GXYLT1: variants seen among roughly 807,000 people sequenced by gnomAD.
GXYLT1 encodes glucoside xylosyltransferase 1.
A neutral mutation model predicts 54.0 loss-of-function variants in GXYLT1; 29 were observed. The observed-to-expected ratio is 0.54, with a 90% CI of 0.40 to 0.73. The LOEUF (loss-of-function observed/expected upper bound fraction) is 0.73, where lower values mean the gene tolerates loss of function less well. GXYLT1 is among the 30% of genes least tolerant of loss of function. The pLI is 0.00. For missense variants in GXYLT1, 490 were observed against 553.4 expected, an observed-to-expected ratio of 0.89 and a Z score of 1.15; for synonymous variants, 176 against 204.1, an observed-to-expected ratio of 0.86 and a Z score of 1.17.
At position 42,106,050 on chromosome 12, in the gene GXYLT1, T is replaced by A; in HGVS notation, c.632A>T (p.Asp211Val). 6.2e-7 allele frequency: 1 copy of A among 1,604,730 alleles called. No homozygotes were observed. The highest frequency in any genetic ancestry group is 2.2e-5 in the East Asian group (1 of 44,790). Residue 211 changes from aspartate (D) to valine (V), a missense_variant, in exon 5 of 8, where the codon GAC becomes GTC. Coordinates refer to ENST00000398675, the MANE Select transcript of GXYLT1 (RefSeq NM_173601.2). ...LFLPLILKEVDSLLYVDTDIL... is the reference protein window; with the variant it reads ...LFLPLILKEVVSLLYVDTDIL... The stretch of plus-strand genomic sequence containing the variant: ...ATCAGTGTCGACATACAATAGTGAG[T>A]CAACTTCTTTCAGGATTAACTACAA...
At chr12:42,119,232 T>C (rs2065516165) in intron 2 of GXYLT1, 61 bp from the exon 3 acceptor site, 13 of 1,334,182 alleles carry the variant, frequency 9.7e-6, no homozygotes, top group Non-Finnish European at 1.4e-5. Context: ...ATGTGTACTT[T>C]CATCATGCTC....
intron 2 of GXYLT1, among the ~76,000 whole-genome samples, chr12:42,128,594 CAG>C (rs1358801420): frequency 6.6e-6 from 1 of 152,200 alleles, no homozygotes; most frequent in African/African-American, 2.4e-5. Flanking sequence ...AAACTCCCAT[CAG>C]AACGTAAGCT....
Position 42,130,924 on chromosome 12 carries a change from C to T in GXYLT1, c.222-1073G>A, listed in dbSNP as rs759945050. ...ACTGTGCTACTGCACCCCAGCCTGG[C>T]TGAACACAGCAAAAGAGACTCTGTC... On this transcript the variant is annotated intron_variant, in intron 1 of 7. Transcript: ENST00000398675. Among the ~76,000 whole-genome samples, 6 of 152,056 alleles carry T rather than the reference C, an allele frequency of 3.9e-5. 1 individual carries two copies. Among genetic ancestry groups the T allele is most frequent in the Non-Finnish European group, 8.8e-5 (6 of 68,012 alleles).
intron 3 of GXYLT1, among the ~76,000 whole-genome samples, chr12:42,114,411 G>A (rs2065479552): frequency 1.3e-5 from 2 of 150,826 alleles, no homozygotes; most frequent in African/African-American, 4.9e-5. Context: ...AAAGAGAGAA[G>A]AATCAAATAC....
chr12:42,083,414 T>C lies in GXYLT1; in HGVS notation c.*4372A>G, dbSNP rs532771342. 7 of 34,320 alleles carry C rather than the reference T, an allele frequency of 2.0e-4. No homozygotes were observed. The highest frequency in any genetic ancestry group is 0.013 in the Middle Eastern group (1 of 76). The allele number at this position is 34,320 out of a possible 1,614,324, so 2.1% of individuals were successfully genotyped here. A position where few individuals can be genotyped will look rare whatever the true frequency, so the allele number is the denominator to read the frequency against. ...TTAAAATGCAATAAGGCAATTATTG[T>C]TTTTAAGACACTTGAAATTGCATTT... is the stretch of plus-strand genomic sequence containing the variant. On this transcript the variant is annotated 3_prime_UTR_variant, in exon 8 of 8. Transcript: ENST00000398675.
At chr12:42,128,324 C>T (rs956131374) in intron 2 of GXYLT1, among the ~76,000 whole-genome samples, 1 of 152,132 alleles carries the variant, frequency 6.6e-6, no homozygotes, top group Admixed American at 6.5e-5. Flanking sequence ...AATCAGTCCA[C>T]AATATATACA....
At chr12:42,114,312 A>C (rs1030757230) in intron 3 of GXYLT1, among the ~76,000 whole-genome samples, 32 of 152,350 alleles carry the variant, frequency 2.1e-4, no homozygotes, top group African/African-American at 6.0e-4. Flanking sequence ...AGACACAAAA[A>C]ACACGTCAAA....
intron 3 of GXYLT1, among the ~76,000 whole-genome samples, chr12:42,114,502 C>T (rs1389161542): frequency 6.6e-6 from 1 of 152,242 alleles, no homozygotes; most frequent in East Asian, 1.9e-4. Flanking sequence ...CTATAAAGAC[C>T]TCTACGCAAA....
chr12:42,142,139 T>C (rs1371192659), intron 1 of GXYLT1, among the ~76,000 whole-genome samples: 1 of 152,178 alleles, frequency 6.6e-6, no homozygotes, highest in African/African-American at 2.4e-5. Context: ...GCTTGCCCCA[T>C]AGCCCCATTG....
At chr12:42,102,799 T>C (rs946278543) in intron 5 of GXYLT1, among the ~76,000 whole-genome samples, 4 of 152,114 alleles carry the variant, frequency 2.6e-5, no homozygotes, top group African/African-American at 9.7e-5. Context: ...TACTGCAAAA[T>C]AGAACGTAAT....
At chr12:42,144,002 TCA>T (rs146444482) in intron 1 of GXYLT1, among the ~76,000 whole-genome samples, 9 of 150,540 alleles carry the variant, frequency 6.0e-5, no homozygotes, top group Non-Finnish European at 1.0e-4. Flanking sequence ...ACATATACAC[TCA>T]CACACACACA....
At position 42,085,217 on chromosome 12, in the gene GXYLT1, T is replaced by C. The variant is rs1375921061; in HGVS notation, c.*2569A>G. The C allele has an allele frequency of 1.3e-5, 2 of 152,186 alleles. No homozygotes were observed. Among genetic ancestry groups the C allele is most frequent in the East Asian group, 1.9e-4 (1 of 5,200 alleles). 9.4% of individuals were successfully genotyped at this position (152,186 alleles called of 1,614,324 possible). ...AGTACCCAAAAGACAGTTTTCACTA[T>C]AATTCAATTTATGGTAAAATGATCA... is the stretch of plus-strand genomic sequence containing the variant. On this transcript the variant is annotated 3_prime_UTR_variant, in exon 8 of 8. Transcript: ENST00000398675.
At chr12:42,112,551 G>A (rs750298730) in intron 3 of GXYLT1, among the ~76,000 whole-genome samples, 14 of 152,122 alleles carry the variant, frequency 9.2e-5, no homozygotes, top group Admixed American at 1.3e-4. Context: ...AGTGATGGAA[G>A]ACGAAACGAA....
chr12:42,126,070 G>C (rs2065559639), intron 2 of GXYLT1, among the ~76,000 whole-genome samples: 2 of 144,534 alleles, frequency 1.4e-5, no homozygotes, highest in South Asian at 2.2e-4. Flanking sequence ...AAACCAGTAG[G>C]AACTTTTTTT....
At chr12:42,099,141 C>G (rs1184646312) in intron 5 of GXYLT1, among the ~76,000 whole-genome samples, 1 of 152,138 alleles carries the variant, frequency 6.6e-6, no homozygotes, top group African/African-American at 2.4e-5. Context: ...GAAGAGCTGA[C>G]AGATTCACCC....
At chr12:42,104,832 C>A (rs192414923) in intron 5 of GXYLT1, among the ~76,000 whole-genome samples, 1 of 152,026 alleles carries the variant, frequency 6.6e-6, no homozygotes, top group Non-Finnish European at 1.5e-5. Context: ...ACATGATATC[C>A]CTTAATGTTT....
intron 3 of GXYLT1, among the ~76,000 whole-genome samples, chr12:42,117,780 T>G (rs2065506001): frequency 6.6e-6 from 1 of 152,186 alleles, no homozygotes; most frequent in African/African-American, 2.4e-5. Flanking sequence ...TATTTTGTTG[T>G]TGTTGTTGTT....
In GXYLT1 at chr12:42,144,610, CCA is replaced by C; in HGVS notation, c.35_36del (p.Val12GlyfsTer64). 1 of 1,448,890 alleles carries C rather than the reference CCA, an allele frequency of 6.9e-7. No individual in the cohort carries two copies. Among genetic ancestry groups the C allele is most frequent in the East Asian group, 2.9e-5 (1 of 34,820 alleles). 89.8% of individuals were successfully genotyped at this position (1,448,890 alleles called of 1,614,324 possible). On this transcript the variant is annotated frameshift_variant, in exon 1 of 8. Coordinates refer to ENST00000398675, the MANE Select transcript of GXYLT1 (RefSeq NM_173601.2). LOFTEE classifies it high-confidence loss of function. ...RRYLRVVVLC[V>X]ACGFCSLLYA... ...TAAAGGAGCGAGCAGAAGCCGCAGG[CCA>C]CACACAGCACCACGACGCGCAGGTA...
chr12:42,123,564 TA>T (rs1261212781), intron 2 of GXYLT1, among the ~76,000 whole-genome samples: 1 of 151,732 alleles, frequency 6.6e-6, no homozygotes, highest in Non-Finnish European at 1.5e-5. Context: ...AATAAACTTC[TA>T]AGTCTTAAGA....
Sources: allele counts gnomAD v4.1 joint callset (sites outside exome capture counted in the v4.1 genomes callset), GRCh38; gene constraint gnomAD v4.1.1; transcripts MANE v1.5; gene names NCBI Gene and HGNC (gene_info 2026-07-23, HGNC 2026-07-21).